ADAM23: variants seen among roughly 807,000 people sequenced by gnomAD.
ADAM23 encodes disintegrin and metalloproteinase domain-containing protein 23.
ADAM23 carries 33 observed loss-of-function variants against 120.1 expected under a neutral mutation model. The ratio of observed to expected loss-of-function variants is 0.27; its 90% CI spans 0.21 to 0.37. The LOEUF (loss-of-function observed/expected upper bound fraction) is 0.37, where lower values mean the gene tolerates loss of function less well. Among genes scored for constraint, ADAM23 ranks in the 10% least tolerant of loss-of-function variants. The pLI is 1.00. For missense variants in ADAM23, 862 were observed against 1,058.2 expected (o/e 0.81, Z 2.57); for synonymous variants, 367 against 375.2 (o/e 0.98, Z 0.25).
chr2:206,544,572 T>A (rs1697356838), intron 6 of ADAM23, among the ~76,000 whole-genome samples: 1 of 151,332 alleles, frequency 6.6e-6, no homozygotes, highest in South Asian at 2.1e-4. Context: ...TAGTGATACA[T>A]GGTAAGGAGA....
intron 1 of ADAM23, 57 bp from the exon 2 acceptor site, chr2:206,445,250 T>C: frequency 1.6e-6 from 2 of 1,235,044 alleles, no homozygotes; most frequent in Non-Finnish European, 2.4e-6. Context: ...GGGGTAAATA[T>C]GTGTGTGTTT....
rs768202859 is a variant in ADAM23, at chr2:206,475,202, G to C, written c.433-6030G>C. On this transcript the variant is annotated intron_variant, in intron 2 of 25. Coordinates refer to ENST00000264377, the MANE Select transcript of ADAM23 (RefSeq NM_003812.4). ...GACAGTACTTTGAGATGATTAAAAT[G>C]TAAGAAATGTGAGGCATTATTATTT... is the stretch of plus-strand genomic sequence containing the variant. Among the ~76,000 whole-genome samples the C allele has an allele frequency of 2.0e-5, 3 of 152,172 alleles. No homozygotes were observed. In the East Asian group the frequency reaches 5.8e-4, roughly 29 times the overall value.
chr2:206,584,591 C>G (rs1264197140), intron 18 of ADAM23, among the ~76,000 whole-genome samples: 1 of 152,074 alleles, frequency 6.6e-6, no homozygotes, highest in Admixed American at 6.6e-5. Context: ...CCCCATCCCC[C>G]ACAGCAACCA....
intron 24 of ADAM23, among the ~76,000 whole-genome samples, chr2:206,596,899 CTTTTTTTTT>C (rs144070768): frequency 1.2e-5 from 1 of 82,932 alleles, no homozygotes; most frequent in African/African-American, 5.0e-5. Flanking sequence ...ATTATATCAT[CTTTTTTTTT>C]TTTTTTTTTT....
At chr2:206,559,745 A>T (rs1428709687) in intron 10 of ADAM23, among the ~76,000 whole-genome samples, 1 of 152,208 alleles carries the variant, frequency 6.6e-6, no homozygotes, top group Non-Finnish European at 1.5e-5. Context: ...ATAACCCTAT[A>T]GGAGAGTTGA....
intron 25 of ADAM23, among the ~76,000 whole-genome samples, chr2:206,613,289 C>T (rs1192823940): frequency 1.3e-5 from 2 of 152,108 alleles, no homozygotes; most frequent in Non-Finnish European, 2.9e-5. Flanking sequence ...GAACTTCCAA[C>T]CTCAGGTGAT....
At chr2:206,480,754 C>G (rs894540526) in intron 2 of ADAM23, among the ~76,000 whole-genome samples, 8 of 152,122 alleles carry the variant, frequency 5.3e-5, no homozygotes, top group Non-Finnish European at 8.8e-5. Context: ...CAAGGTTGTA[C>G]TCTCCCATTT....
chr2:206,567,692 A>G (rs1214560291), intron 15 of ADAM23, among the ~76,000 whole-genome samples: 3 of 152,206 alleles, frequency 2.0e-5, no homozygotes, highest in Non-Finnish European at 2.9e-5. Flanking sequence ...TTTCTCTGAT[A>G]AAAATTCCAT....
chr2:206,606,096 T>G (rs1698723852), intron 24 of ADAM23, among the ~76,000 whole-genome samples: 1 of 152,220 alleles, frequency 6.6e-6, no homozygotes, highest in Non-Finnish European at 1.5e-5. Flanking sequence ...TAACACTGGG[T>G]GTGCTTCCGA....
intron 9 of ADAM23, among the ~76,000 whole-genome samples, chr2:206,554,982 C>T (rs1697614381): frequency 1.3e-5 from 2 of 152,102 alleles, no homozygotes; most frequent in South Asian, 4.1e-4. Context: ...CTGGCTATTT[C>T]TTCCTAGTCT....
At chr2:206,473,790 T>G (rs918952497) in intron 2 of ADAM23, among the ~76,000 whole-genome samples, 3 of 151,674 alleles carry the variant, frequency 2.0e-5, no homozygotes, top group Non-Finnish European at 4.4e-5. Context: ...GGGTGAATTG[T>G]TGAGCCTAGG....
chr2:206,562,106 G>C (rs1031818993), intron 12 of ADAM23, 97 bp from the exon 13 acceptor site: 2 of 1,003,050 alleles, frequency 2.0e-6, no homozygotes, highest in Non-Finnish European at 3.1e-6. Flanking sequence ...GCTCTACTTA[G>C]GGAACTGAGA....
At chr2:206,487,930 A>G (rs1209551312) in intron 3 of ADAM23, among the ~76,000 whole-genome samples, 1 of 152,252 alleles carries the variant, frequency 6.6e-6, no homozygotes, top group Non-Finnish European at 1.5e-5. Flanking sequence ...AGTAGACCCA[A>G]AACTTGGAGA....
At chr2:206,564,892 T>G in intron 13 of ADAM23, 128 bp from the exon 14 acceptor site, 2 of 962,434 alleles carry the variant, frequency 2.1e-6, no homozygotes, top group Non-Finnish European at 3.2e-6. Flanking sequence ...AGACTTCACA[T>G]TCCGTGTCTA....
chr2:206,552,272 T>C (rs149312976), intron 9 of ADAM23, among the ~76,000 whole-genome samples: 14 of 152,308 alleles, frequency 9.2e-5, no homozygotes, highest in East Asian at 1.9e-4. Context: ...CTCAAACCTT[T>C]ACTTGCAATT....
In ADAM23 at chr2:206,445,605, C is replaced by T. The variant is rs965411797; in HGVS notation, c.432+81C>T. 8.8e-6 allele frequency: 11 copies of T among 1,255,778 alleles called. No homozygotes were observed. The African/African-American group carries it at 1.2e-4, about 14-fold the overall frequency. 77.8% of individuals were successfully genotyped at this position (1,255,778 alleles called of 1,614,324 possible). ...TTGATTTTCTGCCAGAATCTGAGTT[C>T]ACAAATTTTACTGCAGCATTTTATT... On this transcript the variant is annotated intron_variant, in intron 2 of 25. Coordinates refer to ENST00000264377, the MANE Select transcript of ADAM23 (RefSeq NM_003812.4).
In ADAM23 at chr2:206,594,688, T is replaced by A. The variant is rs1436940617; in HGVS notation, c.2079-49T>A. 3.1e-6 allele frequency: 5 copies of A among 1,597,738 alleles called. No homozygotes were observed. The Admixed American group carries it at 6.7e-5, about 22-fold the overall frequency. On this transcript the variant is annotated intron_variant, in intron 22 of 25. Coordinates refer to ENST00000264377, the MANE Select transcript of ADAM23 (RefSeq NM_003812.4). Reference sequence around the variant, plus strand: ...AGAGCAAGCCTCATTCATGGAATGATGTTCTAAGTGTGGTGCAAATAGTTA... The same window carrying A: ...AGAGCAAGCCTCATTCATGGAATGAAGTTCTAAGTGTGGTGCAAATAGTTA...
intron 25 of ADAM23, among the ~76,000 whole-genome samples, chr2:206,616,238 C>T (rs533955043): frequency 1.3e-5 from 2 of 152,260 alleles, no homozygotes; most frequent in Admixed American, 1.3e-4. Context: ...GGATACTTGC[C>T]TTTTGGTTTC....
intron 3 of ADAM23, among the ~76,000 whole-genome samples, chr2:206,508,830 T>C (rs1304607244): frequency 6.6e-6 from 1 of 152,202 alleles, no homozygotes; most frequent in Non-Finnish European, 1.5e-5. Flanking sequence ...CCTTGTCTTA[T>C]TTCTGAGAAG....
Sources: allele counts gnomAD v4.1 joint callset (sites outside exome capture counted in the v4.1 genomes callset), GRCh38; gene constraint gnomAD v4.1.1; transcripts MANE v1.5; gene names NCBI Gene and HGNC (gene_info 2026-07-23, HGNC 2026-07-21).